SLC8A3: variants seen among roughly 807,000 people sequenced by gnomAD.
SLC8A3 encodes the protein solute carrier family 8 member A3, also known as sodium/calcium exchanger 3.
A neutral mutation model predicts 65.4 loss-of-function variants in SLC8A3; 37 were observed. The observed-to-expected ratio is 0.57, with a 90% CI of 0.44 to 0.74. The LOEUF (loss-of-function observed/expected upper bound fraction) is 0.74, where lower values mean the gene tolerates loss of function less well. Ranked by LOEUF, SLC8A3 falls within the 30% of genes least tolerant of loss-of-function variation. The pLI, the probability that SLC8A3 is intolerant of heterozygous loss-of-function variation, is 0.00. For missense variants in SLC8A3, 1,112 were observed against 1,172.1 expected (o/e 0.95, Z 0.75); for synonymous variants, 461 against 444.5 (o/e 1.04, Z -0.47).
chr14:70,179,564 C>A (rs981112835), intron 1 of SLC8A3, among the ~76,000 whole-genome samples: 1 of 152,118 alleles, frequency 6.6e-6, no homozygotes, highest in African/African-American at 2.4e-5. Context: ...TGGTTAAAGC[C>A]AATGACCTCA....
chr14:70,164,718 A>G (rs1043708092), intron 2 of SLC8A3, among the ~76,000 whole-genome samples: 1 of 152,228 alleles, frequency 6.6e-6, no homozygotes, highest in Admixed American at 6.5e-5. Context: ...TCTGAATCAG[A>G]AGAACCACAA....
At chr14:70,063,861 A>T in intron 2 of SLC8A3, 1 of 1,612,436 alleles carries the variant, frequency 6.2e-7, no homozygotes, top group Non-Finnish European at 8.5e-7. Context: ...GGGGCCCATC[A>T]TCTCAATGAA....
At chr14:70,143,039 C>T (rs1466930809) in intron 2 of SLC8A3, among the ~76,000 whole-genome samples, 1 of 152,200 alleles carries the variant, frequency 6.6e-6, no homozygotes. Context: ...CTACCCCCAG[C>T]TTACCCTGTG....
intron 2 of SLC8A3, among the ~76,000 whole-genome samples, chr14:70,092,563 C>A (rs1023632924): frequency 6.6e-6 from 1 of 152,174 alleles, no homozygotes; most frequent in Admixed American, 6.5e-5. Context: ...TGCCTCTAAT[C>A]CTAACCACAT....
At chr14:70,050,085 T>C (rs1158680425) in intron 5 of SLC8A3, among the ~76,000 whole-genome samples, 1 of 152,228 alleles carries the variant, frequency 6.6e-6, no homozygotes, top group Non-Finnish European at 1.5e-5. Flanking sequence ...GAAGAAAATC[T>C]GTAAGCTGGG....
chr14:70,183,549 C>A (rs996432055), intron 1 of SLC8A3, among the ~76,000 whole-genome samples: 1 of 152,204 alleles, frequency 6.6e-6, no homozygotes, highest in Admixed American at 6.5e-5. Flanking sequence ...CTCTGTGGAG[C>A]CCTTTCTCTT....
At chr14:70,056,485 T>C (rs949567814) in intron 3 of SLC8A3, among the ~76,000 whole-genome samples, 9 of 152,196 alleles carry the variant, frequency 5.9e-5, no homozygotes, top group Non-Finnish European at 8.8e-5. Context: ...TCCTGCAGAA[T>C]GTTTTCCTTG....
intron 3 of SLC8A3, among the ~76,000 whole-genome samples, chr14:70,055,366 T>C (rs1887980277): frequency 6.6e-6 from 1 of 152,196 alleles, no homozygotes; most frequent in African/African-American, 2.4e-5. Flanking sequence ...TTTGGTTATT[T>C]CCTGGATCCC....
At chr14:70,179,605 A>G (rs1882552054) in intron 1 of SLC8A3, among the ~76,000 whole-genome samples, 1 of 152,186 alleles carries the variant, frequency 6.6e-6, no homozygotes, top group South Asian at 2.1e-4. Flanking sequence ...ATTCTCAAGA[A>G]CCAATGGGAC....
At chr14:70,134,818 G>A (rs1895080476) in intron 2 of SLC8A3, among the ~76,000 whole-genome samples, 1 of 152,178 alleles carries the variant, frequency 6.6e-6, no homozygotes, top group Non-Finnish European at 1.5e-5. Context: ...CCCTACCATG[G>A]TGTCATGTGT....
At chr14:70,147,115 TG>T (rs1276234726) in intron 2 of SLC8A3, among the ~76,000 whole-genome samples, 2 of 152,168 alleles carry the variant, frequency 1.3e-5, no homozygotes, top group Non-Finnish European at 2.9e-5. Flanking sequence ...CGTGACTATT[TG>T]GGGGCATGAT....
chr14:70,148,178 T>C (rs1477853270), intron 2 of SLC8A3, among the ~76,000 whole-genome samples: 2 of 152,242 alleles, frequency 1.3e-5, no homozygotes, highest in Non-Finnish European at 2.9e-5. Flanking sequence ...TGTCCACTTG[T>C]AGACGAATAT....
chr14:70,076,895 G>A (rs178921), intron 2 of SLC8A3, among the ~76,000 whole-genome samples: 71,459 of 152,004 alleles, frequency 0.47, 17,068 homozygotes, highest in South Asian at 0.65. Context: ...AATCAGAGAC[G>A]TCTGGAGGCA....
chr14:70,059,002 C>G (rs1888468496), intron 3 of SLC8A3: 1 of 152,172 alleles, frequency 6.6e-6, no homozygotes, highest in Admixed American at 6.5e-5. Context: ...TTGTTGGTGG[C>G]AAGAACTGGA....
chr14:70,176,333 T>C (rs1324190834), intron 1 of SLC8A3, among the ~76,000 whole-genome samples: 1 of 152,210 alleles, frequency 6.6e-6, no homozygotes, highest in Non-Finnish European at 1.5e-5. Flanking sequence ...GGAACCAGGA[T>C]CACATTCTAG....
chr14:70,158,783 A>G (rs1896722310), intron 2 of SLC8A3, among the ~76,000 whole-genome samples: 1 of 152,198 alleles, frequency 6.6e-6, no homozygotes, highest in Non-Finnish European at 1.5e-5. Context: ...TCAACTTTAA[A>G]TTCTCCTCTG....
intron 1 of SLC8A3, among the ~76,000 whole-genome samples, chr14:70,184,122 AAT>A (rs1205183566): frequency 6.6e-6 from 1 of 152,142 alleles, no homozygotes; most frequent in African/African-American, 2.4e-5. Flanking sequence ...ATTGGCCCCA[AAT>A]AGTCGCTACC....
At position 70,044,683 on chromosome 14, in the gene SLC8A3, C is replaced by T. The variant is rs1199483048; in HGVS notation, c.*1264G>A. 1 of 152,046 alleles carries T rather than the reference C, an allele frequency of 6.6e-6. No individual in the cohort carries two copies. Among genetic ancestry groups the T allele is most frequent in the Non-Finnish European group, 1.5e-5 (1 of 68,024 alleles). The allele number at this position is 152,046 out of a possible 1,614,324, so 9.4% of individuals were successfully genotyped here. ...AGGAACATGGGAGAAATGAGGAATT[C>T]CAGTTCCTATCTTGTAAAAATGCTT... On this transcript the variant is annotated 3_prime_UTR_variant, in exon 7 of 7. Transcript: ENST00000356921.
chr14:70,178,054 GTGAAGAGGAA>G (rs1278413263), intron 1 of SLC8A3, among the ~76,000 whole-genome samples: 3 of 152,166 alleles, frequency 2.0e-5, no homozygotes, highest in Non-Finnish European at 4.4e-5. Flanking sequence ...GAAGATGATG[GTGAAGAGGAA>G]TGAAGAGGCC....
Sources: gnomAD v4.1 joint callset for allele counts (sites outside exome capture counted in the v4.1 genomes callset) on GRCh38, gnomAD v4.1.1 for gene constraint, MANE v1.5 for transcripts, NCBI Gene and HGNC (gene_info 2026-07-23, HGNC 2026-07-21) for gene names.